The following ARHGEF33 variants were observed in gnomAD, a reference collection of about 807,000 sequenced individuals.
ARHGEF33 encodes Rho guanine nucleotide exchange factor 33.
ARHGEF33 carries 72 observed loss-of-function variants against 101.9 expected under a neutral mutation model. That is an observed-to-expected ratio of 0.71 (90% CI 0.58 to 0.86). The LOEUF is 0.86. Among genes scored for constraint, ARHGEF33 ranks in the 40% least tolerant of loss-of-function variants. The pLI is 0.00. For synonymous variants in ARHGEF33, 499 were observed against 442.5 expected (o/e 1.13, Z -1.60); for missense variants, 1,169 against 1,111.3 (o/e 1.05, Z -0.74).
chr2:38,935,745 C>T (rs1242233207), intron 7 of ARHGEF33, 30 bp from the exon 8 acceptor site: 12 of 1,544,194 alleles, frequency 7.8e-6, no homozygotes, highest in African/African-American at 1.4e-5. Flanking sequence ...GTGGAATGAA[C>T]GCTGAATGAA....
chr2:38,933,728 A>G (rs1667064320), intron 7 of ARHGEF33, among the ~76,000 whole-genome samples: 1 of 152,072 alleles, frequency 6.6e-6, no homozygotes, highest in Admixed American at 6.6e-5. Context: ...TTTCTGTCAT[A>G]TTCTATTCAT....
chr2:38,954,487 A>C (rs1370535598), intron 13 of ARHGEF33, 31 bp downstream of exon 13: 1 of 1,307,960 alleles, frequency 7.6e-7, no homozygotes, highest in Non-Finnish European at 1.1e-6. Flanking sequence ...CACCAAACTG[A>C]TTTGCATGCT....
chr2:38,944,918 G>A (rs1324977956), intron 10 of ARHGEF33, among the ~76,000 whole-genome samples: 2 of 147,136 alleles, frequency 1.4e-5, no homozygotes, highest in Admixed American at 1.3e-4. Context: ...CATAGGGTCT[G>A]CCACCTGTTG....
intron 7 of ARHGEF33, among the ~76,000 whole-genome samples, chr2:38,932,234 C>T (rs1430377679): frequency 6.6e-6 from 1 of 152,016 alleles, no homozygotes; most frequent in African/African-American, 2.4e-5. Context: ...GTGATTCTCC[C>T]ACCTTTGCCT....
chr2:38,974,823 C>T lies in ARHGEF33; in HGVS notation c.*980C>T, dbSNP rs1572788730. The T allele has an allele frequency of 6.6e-6, 1 of 152,302 alleles. No homozygotes were observed. Among genetic ancestry groups the T allele is most frequent in the Non-Finnish European group, 1.5e-5 (1 of 68,030 alleles). 9.4% of individuals were successfully genotyped at this position (152,302 alleles called of 1,614,324 possible). On this transcript the variant is annotated 3_prime_UTR_variant, in exon 18 of 18. Coordinates refer to ENST00000409978, the MANE Select transcript of ARHGEF33 (RefSeq NM_001145451.5). Reference sequence around the variant, plus strand: ...GAAAATTCAGGATTGCAGCACTTGACTGTTTTCCTATTTTGTAAAGAAACC... The same window carrying T: ...GAAAATTCAGGATTGCAGCACTTGATTGTTTTCCTATTTTGTAAAGAAACC...
intron 17 of ARHGEF33, among the ~76,000 whole-genome samples, chr2:38,968,918 C>CAT (rs1219025124): frequency 6.6e-6 from 1 of 152,146 alleles, no homozygotes; most frequent in East Asian, 1.9e-4. Context: ...ATATGAGGAC[C>CAT]ATGGAAAATT....
intron 2 of ARHGEF33, among the ~76,000 whole-genome samples, chr2:38,912,003 C>G (rs1666518896): frequency 6.6e-6 from 1 of 152,202 alleles, no homozygotes; most frequent in African/African-American, 2.4e-5. Context: ...TGGTGGCTTC[C>G]TCTCTCCACT....
At chr2:38,922,485 C>T (rs902503330) in intron 4 of ARHGEF33, among the ~76,000 whole-genome samples, 1 of 152,134 alleles carries the variant, frequency 6.6e-6, no homozygotes, top group Non-Finnish European at 1.5e-5. Context: ...TTGCTATAAA[C>T]CAAACTAGGG....
At chr2:38,958,711 T>G (rs1480778430) in intron 15 of ARHGEF33, among the ~76,000 whole-genome samples, 1 of 21,268 alleles carries the variant, frequency 4.7e-5, no homozygotes, top group East Asian at 5.4e-4. Context: ...TTGCATTGTT[T>G]TTATTTTTTT....
chr2:38,943,994 A>C lies in ARHGEF33; in HGVS notation c.884A>C (p.Gln295Pro), dbSNP rs1420085533. Residue 295 changes from glutamine to proline, a missense_variant, in exon 10 of 18, where the codon CAG becomes CCG. By Grantham distance (76) the Gln-to-Pro change is moderately conservative. Transcript: ENST00000409978. ...ATCTTGAAGATAAAAGCCACATTCCAGGGGTCAGATGGAAAGAGGAATTCC... is the reference window on the plus strand; with the variant it reads ...ATCTTGAAGATAAAAGCCACATTCCCGGGGTCAGATGGAAAGAGGAATTCC... ...SLILKIKATF[Q>P]GSDGKRNSKE... is the part of the protein sequence containing the mutation. 6.4e-7 allele frequency: 1 copy of C among 1,551,466 alleles called. No homozygotes were observed. Among genetic ancestry groups the C allele is most frequent in the South Asian group, 1.2e-5 (1 of 83,932 alleles).
chr2:38,924,640 T>C (rs1309025028), intron 4 of ARHGEF33, among the ~76,000 whole-genome samples: 2 of 152,308 alleles, frequency 1.3e-5, no homozygotes, highest in East Asian at 1.9e-4. Flanking sequence ...ATTCAAGTTA[T>C]GTTTTTCTAA....
intron 10 of ARHGEF33, among the ~76,000 whole-genome samples, chr2:38,946,443 T>C (rs1417181259): frequency 6.6e-6 from 1 of 152,206 alleles, no homozygotes; most frequent in Non-Finnish European, 1.5e-5. Flanking sequence ...CTTTTTTCTT[T>C]GCATGGACCA....
chr2:38,974,835 T>G lies in ARHGEF33; in HGVS notation c.*992T>G, dbSNP rs1048924601. 3.3e-5 allele frequency: 5 copies of G among 152,186 alleles called. No individual in the cohort carries two copies. The highest frequency in any genetic ancestry group is 1.2e-4 in the African/African-American group (5 of 41,448). The allele number at this position is 152,186 out of a possible 1,614,324, so 9.4% of individuals were successfully genotyped here. On this transcript the variant is annotated 3_prime_UTR_variant, in exon 18 of 18. Coordinates refer to ENST00000409978, the MANE Select transcript of ARHGEF33 (RefSeq NM_001145451.5). ...TTGCAGCACTTGACTGTTTTCCTAT[T>G]TTGTAAAGAAACCAAGCTCTTAAAG...
intron 16 of ARHGEF33, among the ~76,000 whole-genome samples, chr2:38,965,473 T>C (rs1668032752): frequency 6.6e-6 from 1 of 152,228 alleles, no homozygotes; most frequent in African/African-American, 2.4e-5. Context: ...AGTTGACATT[T>C]ACTTCTAAAC....
chr2:38,892,351 C>T (rs962661609), intron 1 of ARHGEF33, among the ~76,000 whole-genome samples: 2 of 152,126 alleles, frequency 1.3e-5, no homozygotes, highest in African/African-American at 4.8e-5. Context: ...TCGTAATTTT[C>T]ACTGGGTTTT....
chr2:38,959,738 C>T, intron 15 of ARHGEF33, 103 bp from the exon 16 acceptor site: 1 of 1,290,216 alleles, frequency 7.8e-7, no homozygotes, highest in Non-Finnish European at 1.0e-6. Flanking sequence ...AGGTGGCATG[C>T]ACAGGCGCCT....
intron 16 of ARHGEF33, among the ~76,000 whole-genome samples, chr2:38,963,796 T>G (rs149457799): frequency 6.6e-6 from 1 of 152,188 alleles, no homozygotes; most frequent in Admixed American, 6.5e-5. Flanking sequence ...GTGATTGATA[T>G]AAACATTAAG....
chr2:38,967,936 CTTTTTTTTTTTT>C lies in ARHGEF33; in HGVS notation c.2483+1808_2483+1819del, dbSNP rs397871559. Reference sequence around the variant, plus strand: ...TCCTAAGGGCACAGCTTGAGCCTATCTTTTTTTTTTTTTTTTTTTTTTTTTTTTAAACCACAG... The same window carrying C: ...TCCTAAGGGCACAGCTTGAGCCTATCTTTTTTTTTTTTTTTTAAACCACAG... On this transcript the variant is annotated intron_variant, in intron 17 of 17. Coordinates refer to ENST00000409978, the MANE Select transcript of ARHGEF33 (RefSeq NM_001145451.5). Among the ~76,000 whole-genome samples the C allele has an allele frequency of 3.9e-4, 38 of 96,368 alleles. No homozygotes were observed. The South Asian group carries it at 4.6e-3, about 12-fold the overall frequency. The allele number at this position is 96,368 out of a possible 152,430, so 63.2% of individuals were successfully genotyped here.
chr2:38,929,231 C>T (rs533335301), intron 5 of ARHGEF33, among the ~76,000 whole-genome samples, 160 bp downstream of exon 5: 2 of 152,098 alleles, frequency 1.3e-5, no homozygotes, highest in South Asian at 2.1e-4. Context: ...GAGTTCAAGA[C>T]CACCCTGGCC....
Sources: allele counts gnomAD v4.1 joint callset (sites outside exome capture counted in the v4.1 genomes callset), GRCh38; gene constraint gnomAD v4.1.1; transcripts MANE v1.5; gene names NCBI Gene and HGNC (gene_info 2026-07-23, HGNC 2026-07-21).